Variants in SMG1 observed in about 807,000 individuals in gnomAD.
SMG1 encodes SMG1 nonsense mediated mRNA decay associated PI3K related kinase, also known as serine/threonine-protein kinase SMG1.
SMG1 carries 22 observed loss-of-function variants against 419.9 expected under a neutral mutation model. The ratio of observed to expected loss-of-function variants is 0.05; its 90% CI spans 0.04 to 0.07. The LOEUF is 0.07. SMG1 is among the 10% of genes least tolerant of loss of function. SMG1 has a pLI of 1.00. For synonymous variants in SMG1, 1,538 were observed against 1,553.5 expected, an observed-to-expected ratio of 0.99 and a Z score of 0.23; for missense variants, 3,185 against 4,342.0, an observed-to-expected ratio of 0.73 and a Z score of 7.49.
At position 18,912,930 on chromosome 16, in the gene SMG1, C is replaced by T. The variant is rs142342252; in HGVS notation, c.92+13020G>A. ...TTTATTTTTCTTCACGTTTATACAA[C>T]GTTCGGACAGGCAAGAAATGTAATC... On this transcript the variant is annotated intron_variant, in intron 1 of 62. Transcript: ENST00000446231. Among the ~76,000 whole-genome samples, 15 of 152,154 alleles carry T rather than the reference C, an allele frequency of 9.9e-5. 1 individual carries two copies. The East Asian group carries it at 1.9e-3, about 20-fold the overall frequency.
chr16:18,920,730 A>G (rs1219235921), intron 1 of SMG1, among the ~76,000 whole-genome samples: 1 of 151,610 alleles, frequency 6.6e-6, no homozygotes, highest in African/African-American at 2.4e-5. Flanking sequence ...GGTCCCAGCT[A>G]TTGGGAGGGT....
chr16:18,870,008 A>G lies in SMG1; in HGVS notation c.2493-14T>C, dbSNP rs1051359778. The G allele has an allele frequency of 7.9e-6, 12 of 1,521,612 alleles. No homozygotes were observed. The highest frequency in any genetic ancestry group is 7.9e-6 in the Non-Finnish European group (9 of 1,137,024). The allele number at this position is 1,521,612 out of a possible 1,614,324, so 94.3% of individuals were successfully genotyped here. A position where few individuals can be genotyped will look rare whatever the true frequency, so the allele number is the denominator to read the frequency against. On this transcript the variant is annotated splice_polypyrimidine_tract_variant and intron_variant, in intron 18 of 62. Transcript: ENST00000446231. ...TGATTGTTATTGCTGTAGACAGAAA[A>G]TAAAGTTGTTATGCAAAATATTTTA...
chr16:18,838,859 C>T (rs903380737), intron 42 of SMG1, among the ~76,000 whole-genome samples, 170 bp from the exon 43 acceptor site: 1 of 152,170 alleles, frequency 6.6e-6, no homozygotes, highest in African/African-American at 2.4e-5. Flanking sequence ...GTTATGCAGG[C>T]ATACAACACT....
chr16:18,872,766 G>C (rs1223475516), intron 13 of SMG1, 142 bp from the exon 14 acceptor site: 6 of 718,980 alleles, frequency 8.3e-6, no homozygotes, highest in Non-Finnish European at 1.3e-5. Flanking sequence ...ACTAAACCTG[G>C]GACAAACACT....
chr16:18,817,360 C>T lies in SMG1; in HGVS notation c.10005G>A (p.Gln3335=). The T allele has an allele frequency of 6.2e-7, 1 of 1,612,100 alleles. No individual in the cohort carries two copies. The change falls in exon 57 of 63, where the codon CAG becomes CAA. Residue 3335 remains glutamine (Q), a synonymous_variant. Transcript: ENST00000446231. ...TAAACTGTGATGCAAACGAACACAT[C>T]TGCTGACATCGCTTGATTAGTTCAA... ...ALFELIKRCQ[Q]MCSFASQFNS...
rs778733772 is a variant in SMG1, at chr16:18,845,450, G to A, written c.6198C>T (p.Ser2066=). 6.2e-7 allele frequency: 1 copy of A among 1,613,818 alleles called. No homozygotes were observed. The highest frequency in any genetic ancestry group is 1.1e-5 in the South Asian group (1 of 91,068). ...KTPLNPAKPG[S]SWIPFKEIML... Reference sequence around the variant, plus strand: ...GTACCTCTTTAAATGGAATCCAGCTGCTCCCAGGCTTTGCAGGGTTCAATG... The same window carrying A: ...GTACCTCTTTAAATGGAATCCAGCTACTCCCAGGCTTTGCAGGGTTCAATG... Residue 2066 remains serine, a synonymous_variant, in exon 39 of 63, where the codon AGC becomes AGT. Transcript: ENST00000446231.
intron 4 of SMG1, among the ~76,000 whole-genome samples, chr16:18,891,437 C>A (rs1295370763): frequency 7.0e-6 from 1 of 142,544 alleles, no homozygotes; most frequent in East Asian, 2.1e-4. Context: ...TTATCAAGTT[C>A]TTTTTTTTTT....
chr16:18,879,933 T>G (rs1221447207), intron 10 of SMG1, among the ~76,000 whole-genome samples: 4 of 152,222 alleles, frequency 2.6e-5, no homozygotes, highest in African/African-American at 9.6e-5. Context: ...AAAGTGCTAT[T>G]ATGACAGGAA....
intron 1 of SMG1, among the ~76,000 whole-genome samples, chr16:18,909,971 AAAG>A (rs1338811184): frequency 2.0e-5 from 3 of 152,122 alleles, no homozygotes; most frequent in African/African-American, 7.2e-5. Flanking sequence ...AAGTGATTTA[AAAG>A]AAGTAACTTT....
At chr16:18,913,387 T>TA (rs1287025583) in intron 1 of SMG1, among the ~76,000 whole-genome samples, 1 of 152,074 alleles carries the variant, frequency 6.6e-6, no homozygotes, top group Non-Finnish European at 1.5e-5. Context: ...ATCACACATA[T>TA]ACATCTTTTA....
rs2606552 is a variant in SMG1, at chr16:18,814,345, T to A, written c.10621+830A>T. Reference sequence around the variant, plus strand: ...ATGTTTCTCTGATATATATATATATTTTTTTTAGCCAGGCATGGTGGCGAG... The same window carrying A: ...ATGTTTCTCTGATATATATATATATATTTTTTAGCCAGGCATGGTGGCGAG... On this transcript the variant is annotated intron_variant, in intron 60 of 62. Transcript: ENST00000446231. Among the ~76,000 whole-genome samples the A allele has an allele frequency of 6.4e-3, 951 of 148,850 alleles. 13 individuals are homozygous for A. Among genetic ancestry groups the A allele is most frequent in the African/African-American group, 0.022 (890 of 40,084 alleles).
chr16:18,902,956 A>G lies in SMG1; in HGVS notation c.93-6000T>C, dbSNP rs541184571. 3.9e-5 allele frequency among the ~76,000 whole-genome samples: 6 copies of G among 152,156 alleles called. No homozygotes were observed. The South Asian group carries it at 1.2e-3, about 32-fold the overall frequency. ...ATCAGCCTCCCAAGTAGCTGAGACC[A>G]CAGGCTTACTCCACCACGCCCAGCA... On this transcript the variant is annotated intron_variant, in intron 1 of 62. Transcript: ENST00000446231.
rs371322861 is a variant in SMG1 at position 18,832,967 on chromosome 16, G to A, written c.8765C>T (p.Thr2922Ile). The A allele has an allele frequency of 7.4e-6, 12 of 1,613,812 alleles. No individual in the cohort carries two copies. Among genetic ancestry groups the A allele is most frequent in the African/African-American group, 4.0e-5 (3 of 74,896 alleles). The change falls in exon 51 of 63, where the codon ACA becomes ATA. Residue 2922 changes from threonine to isoleucine, a missense_variant. Physicochemically the swap from Thr to Ile is moderately conservative, Grantham distance 89. Transcript: ENST00000446231. ...GGCAACATCGATGTAATGAGCATGT[G>A]TTTCTTCTTCCAGTCCCATAGCTGC... ...RNAAMGLEEETHAHYIDVARL... is the reference protein window; with the variant it reads ...RNAAMGLEEEIHAHYIDVARL...
chr16:18,834,161 T>G lies in SMG1; in HGVS notation c.8565+43A>C, dbSNP rs775988565. On this transcript the variant is annotated intron_variant, in intron 50 of 62. Transcript: ENST00000446231. The stretch of plus-strand genomic sequence containing the variant: ...GTTAAAGAGATGAGAAAGACAATAT[T>G]CAGTATCTAAAACAAACTAATATTT... The G allele has an allele frequency of 1.8e-5, 25 of 1,383,270 alleles. 1 individual carries two copies. In the South Asian group the frequency reaches 2.8e-4, roughly 15 times the overall value. 85.7% of individuals were successfully genotyped at this position (1,383,270 alleles called of 1,614,324 possible).
chr16:18,815,570 A>G lies in SMG1; in HGVS notation c.10384T>C (p.Trp3462Arg), dbSNP rs1472724553. The change falls in exon 59 of 63, where the codon TGG (tryptophan) becomes CGG (arginine). Residue 3462 changes from tryptophan (W) to arginine (R), a missense_variant. Coordinates refer to ENST00000446231, the MANE Select transcript of SMG1 (RefSeq NM_015092.5). ...AGAACTGTTTGAATGTTGTCTTGCC[A>G]TGATTTATATTCACCCAAAAACTGC... The part of the protein sequence containing the change: ...VRQFLGEYKS[W>R]QDNIQTVLFT... 1.2e-6 allele frequency: 2 copies of G among 1,613,880 alleles called. No individual in the cohort carries two copies. Among genetic ancestry groups the G allele is most frequent in the Non-Finnish European group, 1.7e-6 (2 of 1,179,882 alleles).
chr16:18,820,279 T>C (rs548586677), intron 55 of SMG1, among the ~76,000 whole-genome samples: 128 of 151,868 alleles, frequency 8.4e-4, no homozygotes, highest in Non-Finnish European at 1.5e-3. Flanking sequence ...CTTGGCTCAC[T>C]GCAACCCCCG....
In SMG1 at chr16:18,841,667, T is replaced by C. The variant is rs781585502; in HGVS notation, c.6594A>G (p.Leu2198=). The C allele has an allele frequency of 1.2e-6, 2 of 1,614,016 alleles. No individual in the cohort carries two copies. Among genetic ancestry groups the C allele is most frequent in the Non-Finnish European group, 1.7e-6 (2 of 1,179,882 alleles). ...ACTGGATTAGTCCTGATCTTGTTCCTAGTGGTGTTACAGAATAGTGTCGAG... is the reference window on the plus strand; with the variant it reads ...ACTGGATTAGTCCTGATCTTGTTCCCAGTGGTGTTACAGAATAGTGTCGAG... ...FHARHYSVTP[L]GTRSGLIQWV... The change falls in exon 41 of 63, where the codon CTA becomes CTG. Residue 2198 remains leucine (L), a synonymous_variant. Coordinates refer to ENST00000446231, the MANE Select transcript of SMG1 (RefSeq NM_015092.5).
chr16:18,894,679 TAAAA>T (rs34559113), intron 3 of SMG1, among the ~76,000 whole-genome samples: 2 of 121,250 alleles, frequency 1.6e-5, no homozygotes, highest in Admixed American at 1.7e-4. Context: ...CACACAGTAT[TAAAA>T]AAAAAAAAAA....
intron 13 of SMG1, among the ~76,000 whole-genome samples, chr16:18,872,828 T>C (rs1160393911): frequency 6.6e-6 from 1 of 152,152 alleles, no homozygotes; most frequent in Non-Finnish European, 1.5e-5. Flanking sequence ...CTCTATGCAA[T>C]GCAGCAACTC....
Sources: allele counts gnomAD v4.1 joint callset (sites outside exome capture counted in the v4.1 genomes callset), GRCh38; gene constraint gnomAD v4.1.1; transcripts MANE v1.5; gene names NCBI Gene and HGNC (gene_info 2026-07-23, HGNC 2026-07-21).